The following EHBP1 variants were observed in gnomAD, a reference collection of about 807,000 sequenced individuals.
EHBP1 encodes the protein EH domain binding protein 1.
EHBP1 carries 55 observed loss-of-function variants against 144.0 expected under a neutral mutation model. That is an observed-to-expected ratio of 0.38 (90% CI 0.31 to 0.48). The LOEUF (loss-of-function observed/expected upper bound fraction) is 0.48. Among genes scored for constraint, EHBP1 ranks in the 20% least tolerant of loss-of-function variants. The probability of loss-of-function intolerance (pLI) is 0.98; values close to 1 mark genes in which losing one functional copy is unlikely to be tolerated. For missense variants in EHBP1, 1,200 were observed against 1,364.2 expected (o/e 0.88, Z 1.90); for synonymous variants, 469 against 472.7 (o/e 0.99, Z 0.10).
At chr2:62,823,403 C>T (rs55908008) in intron 5 of EHBP1, among the ~76,000 whole-genome samples, 1 of 152,002 alleles carries the variant, frequency 6.6e-6, no homozygotes, top group Non-Finnish European at 1.5e-5. Flanking sequence ...TTCTTTTGTC[C>T]AACCCACATG....
At chr2:62,755,888 G>A (rs915273474) in intron 3 of EHBP1, among the ~76,000 whole-genome samples, 2 of 151,688 alleles carry the variant, frequency 1.3e-5, no homozygotes, top group Non-Finnish European at 2.9e-5. Flanking sequence ...TAGCTTGAAT[G>A]CCACATTCAG....
intron 2 of EHBP1, among the ~76,000 whole-genome samples, chr2:62,743,364 A>G (rs371129964): frequency 2.0e-5 from 3 of 152,034 alleles, no homozygotes; most frequent in Admixed American, 6.6e-5. Flanking sequence ...AGATATTTAT[A>G]AATAGTTTCT....
intron 7 of EHBP1, among the ~76,000 whole-genome samples, chr2:62,840,265 C>G (rs1458342850): frequency 6.7e-6 from 1 of 149,010 alleles, no homozygotes; most frequent in East Asian, 2.0e-4. Flanking sequence ...ATAAATGGTG[C>G]TGGGAAAACT....
chr2:63,031,798 G>A (rs566411037), intron 19 of EHBP1, among the ~76,000 whole-genome samples: 81 of 152,102 alleles, frequency 5.3e-4, no homozygotes, highest in Non-Finnish European at 8.5e-4. Context: ...GTGTGGTGGC[G>A]CACACCTGTG....
intron 19 of EHBP1, among the ~76,000 whole-genome samples, chr2:63,025,673 T>C (rs560161360): frequency 6.6e-6 from 1 of 152,276 alleles, no homozygotes; most frequent in East Asian, 1.9e-4. Flanking sequence ...AGGTGAACTA[T>C]TGGGGTACCA....
intron 10 of EHBP1, among the ~76,000 whole-genome samples, chr2:62,906,070 A>G (rs1380222275): frequency 6.6e-6 from 1 of 151,842 alleles, no homozygotes; most frequent in African/African-American, 2.4e-5. Context: ...GATTGTTTAT[A>G]ATTTTAGCTT....
intron 3 of EHBP1, among the ~76,000 whole-genome samples, chr2:62,761,643 T>C (rs1006092283): frequency 8.5e-5 from 13 of 152,316 alleles, no homozygotes; most frequent in African/African-American, 2.6e-4. Context: ...TGCACTCATA[T>C]ACTGTAACTT....
chr2:62,923,745 C>T (rs920091246), intron 10 of EHBP1, among the ~76,000 whole-genome samples: 3 of 152,148 alleles, frequency 2.0e-5, no homozygotes, highest in Non-Finnish European at 4.4e-5. Context: ...CACTCCGAGG[C>T]CTAAGAAGCA....
chr2:62,812,405 T>C (rs1478330200), intron 5 of EHBP1, among the ~76,000 whole-genome samples: 2 of 152,142 alleles, frequency 1.3e-5, no homozygotes, highest in Non-Finnish European at 2.9e-5. Context: ...TGGAAGAATT[T>C]GGTGAAGCAG....
intron 14 of EHBP1, among the ~76,000 whole-genome samples, chr2:62,958,025 A>G (rs1291095222): frequency 6.6e-6 from 1 of 152,220 alleles, no homozygotes; most frequent in Non-Finnish European, 1.5e-5. Context: ...AGCCGCAGTG[A>G]GATACCACTA....
At chr2:63,043,140 T>C (rs2061744440) in intron 21 of EHBP1, among the ~76,000 whole-genome samples, 1 of 152,172 alleles carries the variant, frequency 6.6e-6, no homozygotes, top group East Asian at 1.9e-4. Flanking sequence ...CTTTAAGATC[T>C]TTCCAACCTG....
chr2:62,964,873 A>G (rs2153149750), intron 14 of EHBP1: 1 of 152,764 alleles, frequency 6.5e-6, no homozygotes, highest in Non-Finnish European at 1.5e-5. Context: ...GTCAGAAATC[A>G]TTGCGCCACC....
At chr2:63,004,601 T>C (rs1486236659) in intron 19 of EHBP1, among the ~76,000 whole-genome samples, 1 of 152,106 alleles carries the variant, frequency 6.6e-6, no homozygotes, top group African/African-American at 2.4e-5. Context: ...ATAACTTCAA[T>C]AAAATAAGAG....
At chr2:63,011,723 G>T (rs1378871975) in intron 19 of EHBP1, among the ~76,000 whole-genome samples, 1 of 151,906 alleles carries the variant, frequency 6.6e-6, no homozygotes, top group Non-Finnish European at 1.5e-5. Flanking sequence ...TTGTTTTAAA[G>T]CTGGACTTAA....
intron 13 of EHBP1, among the ~76,000 whole-genome samples, chr2:62,950,746 T>C (rs1014493591): frequency 2.0e-5 from 3 of 152,066 alleles, no homozygotes; most frequent in Non-Finnish European, 4.4e-5. Context: ...AGTGCAATGG[T>C]GCCATCTTGG....
At chr2:62,857,456 T>A (rs1042284060) in intron 7 of EHBP1, among the ~76,000 whole-genome samples, 6 of 152,208 alleles carry the variant, frequency 3.9e-5, no homozygotes, top group African/African-American at 1.4e-4. Flanking sequence ...ATGATTTAGT[T>A]CAAATAAAAT....
chr2:62,715,385 A>T (rs912424873), intron 2 of EHBP1, among the ~76,000 whole-genome samples: 33 of 151,554 alleles, frequency 2.2e-4, no homozygotes, highest in African/African-American at 7.5e-4. Flanking sequence ...AAGTGCTGGG[A>T]TTACAGATGT....
intron 14 of EHBP1, among the ~76,000 whole-genome samples, chr2:62,960,574 A>C (rs575495492): frequency 6.6e-6 from 1 of 152,162 alleles, no homozygotes; most frequent in African/African-American, 2.4e-5. Flanking sequence ...TCAAAGTACA[A>C]GGACCTTGTA....
At chr2:63,021,924 G>A (rs1311943634) in intron 19 of EHBP1, among the ~76,000 whole-genome samples, 1 of 151,794 alleles carries the variant, frequency 6.6e-6, no homozygotes, top group Admixed American at 6.6e-5. Flanking sequence ...CTGCCACCAC[G>A]CACAGCTAAT....
Sources: gnomAD v4.1 joint callset for allele counts (sites outside exome capture counted in the v4.1 genomes callset) on GRCh38, gnomAD v4.1.1 for gene constraint, MANE v1.5 for transcripts, NCBI Gene and HGNC (gene_info 2026-07-23, HGNC 2026-07-21) for gene names.